Variants in SMOC1 observed in about 807,000 individuals in gnomAD.
SMOC1 encodes SPARC related modular calcium binding 1.
Under a neutral mutation model 56.3 loss-of-function variants are expected in SMOC1, and 22 were observed. The observed-to-expected ratio is 0.39, with a 90% CI of 0.28 to 0.56. The LOEUF (loss-of-function observed/expected upper bound fraction) is 0.56. SMOC1 is among the 20% of genes least tolerant of loss of function. SMOC1 has a pLI of 0.61. For missense variants in SMOC1, 509 were observed against 565.4 expected, an observed-to-expected ratio of 0.90 and a Z score of 1.01; for synonymous variants, 193 against 215.0, an observed-to-expected ratio of 0.90 and a Z score of 0.89.
intron 1 of SMOC1, among the ~76,000 whole-genome samples, chr14:69,921,178 G>A (rs1243529039): frequency 6.6e-6 from 1 of 152,154 alleles, no homozygotes; most frequent in Non-Finnish European, 1.5e-5. Context: ...GTGACTCACA[G>A]CCCAGGGAGG....
chr14:69,980,410 C>T (rs750219609), intron 5 of SMOC1, among the ~76,000 whole-genome samples: 33 of 152,172 alleles, frequency 2.2e-4, no homozygotes, highest in Non-Finnish European at 4.6e-4. Flanking sequence ...TCATTCTCCC[C>T]TGGAGTCTTA....
At chr14:70,004,401 A>T (rs945990176) in intron 7 of SMOC1, among the ~76,000 whole-genome samples, 5 of 152,202 alleles carry the variant, frequency 3.3e-5, no homozygotes, top group Admixed American at 3.3e-4. Flanking sequence ...TTTACAGTCA[A>T]TTGACTTCAG....
intron 1 of SMOC1, among the ~76,000 whole-genome samples, chr14:69,935,769 G>T (rs1199645127): frequency 2.0e-5 from 3 of 152,228 alleles, no homozygotes; most frequent in Non-Finnish European, 1.5e-5. Context: ...GCCCTAGAAG[G>T]ATGTGAAATA....
intron 10 of SMOC1, among the ~76,000 whole-genome samples, chr14:70,015,111 G>A (rs1397235975): frequency 6.6e-6 from 1 of 152,244 alleles, no homozygotes. Flanking sequence ...TTTGTATACA[G>A]TGGAGTAATA....
chr14:69,971,233 G>A, intron 3 of SMOC1, among the ~76,000 whole-genome samples: 1 of 152,236 alleles, frequency 6.6e-6, no homozygotes, highest in African/African-American at 2.4e-5. Flanking sequence ...GGCCAGGCTG[G>A]TCTCGAACTC....
At chr14:69,943,017 G>A (rs1048050318) in intron 1 of SMOC1, among the ~76,000 whole-genome samples, 3 of 152,044 alleles carry the variant, frequency 2.0e-5, no homozygotes. Context: ...GTGGTGGGGG[G>A]CACAGTGGAG....
chr14:69,938,040 C>T (rs182283204), intron 1 of SMOC1, among the ~76,000 whole-genome samples: 66 of 152,270 alleles, frequency 4.3e-4, no homozygotes, highest in African/African-American at 1.5e-3. Context: ...AGCATTTCTT[C>T]CTCTGTTATC....
Position 69,879,689 on chromosome 14 carries a change from C to A in SMOC1, c.11C>A (p.Ala4Glu), listed in dbSNP as rs1883578089. Residue 4 changes from alanine (A) to glutamate (E), a missense_variant, in exon 1 of 12, where the codon GCG (alanine) becomes GAG (glutamate). This residue lies in a region of SMOC1 where 315 missense variants were observed against 333.1 expected (regional missense o/e 0.95). Transcript: ENST00000361956. Reference protein sequence around the residue: MLPARCARLLTPHL... With the variant: MLPERCARLLTPHL... ...AGCCTGGCTGGCACCATGCTGCCCG[C>A]GCGCTGCGCCCGCCTGCTCACGCCC... 1 of 1,566,472 alleles carries A rather than the reference C, an allele frequency of 6.4e-7. No homozygotes were observed. The highest frequency in any genetic ancestry group is 8.6e-7 in the Non-Finnish European group (1 of 1,165,872).
intron 7 of SMOC1, among the ~76,000 whole-genome samples, chr14:70,008,638 CT>C (rs1238570036): frequency 6.6e-6 from 1 of 152,190 alleles, no homozygotes; most frequent in Non-Finnish European, 1.5e-5. Context: ...TGCTCTGCCC[CT>C]GGGGAAGCGC....
Position 69,879,741 on chromosome 14 carries a change from G to A in SMOC1, c.63G>A (p.Leu21=). 6.3e-7 allele frequency: 1 copy of A among 1,593,242 alleles called. No homozygotes were observed. Among genetic ancestry groups the A allele is most frequent in the Non-Finnish European group, 8.5e-7 (1 of 1,176,598 alleles). Residue 21 remains leucine, a synonymous_variant, in exon 1 of 12, where the codon CTG becomes CTA. Transcript: ENST00000361956. ...ACTTGCTGCTGGTGTTGGTGCAGCT[G>A]TCCCCTGCTCGCGGCCACCGCACCA... The part of the protein sequence containing the change: ...TPHLLLVLVQ[L]SPARGHRTTG...
chr14:69,983,453 A>G (rs71423385), intron 5 of SMOC1, among the ~76,000 whole-genome samples: 2,240 of 152,292 alleles, frequency 0.015, 31 homozygotes, highest in Non-Finnish European at 0.023. Flanking sequence ...TTAGCCTTTT[A>G]TGATGGAGGT....
chr14:69,879,833 C>G, intron 1 of SMOC1, 56 bp downstream of exon 1: 1 of 1,446,026 alleles, frequency 6.9e-7, no homozygotes, highest in Non-Finnish European at 9.3e-7. Flanking sequence ...GTTGCTTCCC[C>G]CCTCATCCCT....
At chr14:69,977,628 G>A (rs1884014164) in intron 4 of SMOC1, among the ~76,000 whole-genome samples, 1 of 152,132 alleles carries the variant, frequency 6.6e-6, no homozygotes, top group South Asian at 2.1e-4. Context: ...ATTCAACTAG[G>A]GAGTTATATG....
intron 1 of SMOC1, among the ~76,000 whole-genome samples, chr14:69,949,273 T>G (rs1471284799): frequency 1.3e-5 from 2 of 152,022 alleles, no homozygotes; most frequent in Non-Finnish European, 2.9e-5. Flanking sequence ...CAGCGATCCC[T>G]GGGGGTGGCA....
At chr14:70,016,821 G>A (rs553041853) in intron 10 of SMOC1, among the ~76,000 whole-genome samples, 1 of 152,280 alleles carries the variant, frequency 6.6e-6, no homozygotes, top group East Asian at 1.9e-4. Flanking sequence ...TCCAATGACT[G>A]GCCCCTGCTT....
chr14:69,937,950 G>C (rs1201430523), intron 1 of SMOC1, among the ~76,000 whole-genome samples: 1 of 152,166 alleles, frequency 6.6e-6, no homozygotes, highest in African/African-American at 2.4e-5. Flanking sequence ...TCTTCTGTTT[G>C]TTTTAGCCTG....
At chr14:69,945,460 C>A (rs995657939) in intron 1 of SMOC1, among the ~76,000 whole-genome samples, 2 of 152,158 alleles carry the variant, frequency 1.3e-5, no homozygotes, top group African/African-American at 4.8e-5. Flanking sequence ...TAAATGAAGT[C>A]ATCATGGATA....
intron 4 of SMOC1, among the ~76,000 whole-genome samples, chr14:69,976,909 A>C (rs2139506122): frequency 6.6e-6 from 1 of 152,364 alleles, no homozygotes; most frequent in South Asian, 2.1e-4. Flanking sequence ...AAGGGCTATA[A>C]GAATCTACAT....
chr14:69,921,485 A>G (rs1204792076), intron 1 of SMOC1, among the ~76,000 whole-genome samples: 1 of 152,228 alleles, frequency 6.6e-6, no homozygotes, highest in African/African-American at 2.4e-5. Context: ...ACATCAATTC[A>G]TTCAACAAAC....
Sources: allele counts gnomAD v4.1 joint callset (sites outside exome capture counted in the v4.1 genomes callset), GRCh38; gene constraint gnomAD v4.1.1; regional missense constraint gnomAD v4.1.1; transcripts MANE v1.5; gene names NCBI Gene and HGNC (gene_info 2026-07-23, HGNC 2026-07-21).